The following ADAMTSL1 variants were observed in gnomAD, a reference collection of about 807,000 sequenced individuals.
ADAMTSL1 encodes the protein ADAMTS-like protein 1.
In ADAMTSL1, 126 loss-of-function variants were observed where a neutral mutation model predicts 201.8. That is an observed-to-expected ratio of 0.62 (90% CI 0.54 to 0.72). The LOEUF (loss-of-function observed/expected upper bound fraction) is 0.72, where lower values mean the gene tolerates loss of function less well. Among genes scored for constraint, ADAMTSL1 ranks in the 30% least tolerant of loss-of-function variants. ADAMTSL1 has a pLI of 0.00. For missense variants in ADAMTSL1, 2,679 were observed against 2,277.8 expected, an observed-to-expected ratio of 1.18 and a Z score of -3.59; for synonymous variants, 1,121 against 903.4, an observed-to-expected ratio of 1.24 and a Z score of -4.32.
Position 18,433,451 on chromosome 9 carries a change from G to T in ADAMTSL1, c.208-71378G>T, listed in dbSNP as rs1053614162. On this transcript the variant is annotated intron_variant, in intron 2 of 29. Transcript: ENST00000680146. ...TGGAATGTCTTAGGGTCTTCAATGG[G>T]TAGATTTAATGTAATATTGCCATTA... Among the ~76,000 whole-genome samples the T allele has an allele frequency of 6.6e-4, 101 of 152,046 alleles. 1 individual carries two copies. Among genetic ancestry groups the T allele is most frequent in the African/African-American group, 1.9e-3 (78 of 41,422 alleles).
intron 5 of ADAMTSL1, among the ~76,000 whole-genome samples, chr9:18,635,118 A>G (rs1827028838): frequency 6.6e-6 from 1 of 151,616 alleles, no homozygotes; most frequent in African/African-American, 2.4e-5. Flanking sequence ...GTTTTGGGTG[A>G]GGGAGTAAAT....
At chr9:18,425,160 C>T (rs1563952188) in intron 2 of ADAMTSL1, among the ~76,000 whole-genome samples, 1 of 152,010 alleles carries the variant, frequency 6.6e-6, no homozygotes, top group African/African-American at 2.4e-5. Flanking sequence ...CTCCACTCCA[C>T]TCTCTCTCCC....
chr9:18,201,542 A>G (rs1485436152), intron 2 of ADAMTSL1, among the ~76,000 whole-genome samples: 1 of 152,118 alleles, frequency 6.6e-6, no homozygotes, highest in East Asian at 1.9e-4. Context: ...CTTCCCTACT[A>G]TACAATATTA....
chr9:18,336,111 C>T (rs1449078472), intron 2 of ADAMTSL1, among the ~76,000 whole-genome samples: 2 of 152,014 alleles, frequency 1.3e-5, no homozygotes, highest in Admixed American at 6.6e-5. Context: ...AAGCCTTATC[C>T]CAAAACTTAT....
intron 2 of ADAMTSL1, among the ~76,000 whole-genome samples, chr9:18,334,350 A>G (rs553309152): frequency 8.7e-4 from 132 of 152,264 alleles, no homozygotes; most frequent in Middle Eastern, 3.4e-3. Flanking sequence ...CTCCTTAGCA[A>G]ATGCTTGTGC....
intron 2 of ADAMTSL1, among the ~76,000 whole-genome samples, chr9:18,185,726 A>C (rs1587260319): frequency 6.6e-6 from 1 of 152,208 alleles, no homozygotes; most frequent in Non-Finnish European, 1.5e-5. Context: ...AGCTTTATAC[A>C]TCAGTATAAT....
At chr9:18,486,492 C>A (rs2131833850) in intron 1 of ADAMTSL1, among the ~76,000 whole-genome samples, 1 of 152,246 alleles carries the variant, frequency 6.6e-6, no homozygotes, top group South Asian at 2.1e-4. Flanking sequence ...TCGCTTGAGC[C>A]CAGGAGTTCA....
intron 1 of ADAMTSL1, among the ~76,000 whole-genome samples, chr9:17,960,237 C>T (rs778393489): frequency 4.6e-5 from 7 of 152,168 alleles, no homozygotes; most frequent in South Asian, 4.1e-4. Flanking sequence ...GCATGACCCT[C>T]CCATGGAGGA....
intron 2 of ADAMTSL1, among the ~76,000 whole-genome samples, chr9:18,439,237 A>T (rs1429889662): frequency 2.6e-5 from 4 of 152,100 alleles, no homozygotes; most frequent in Admixed American, 2.6e-4. Context: ...TTTTCCTTTC[A>T]TGTGTTCCAG....
intron 1 of ADAMTSL1, among the ~76,000 whole-genome samples, chr9:18,099,269 A>T (rs1461417332): frequency 7.1e-6 from 1 of 141,718 alleles, no homozygotes; most frequent in Non-Finnish European, 1.5e-5. Context: ...TCTGATTAGA[A>T]TCTCATTTTC....
chr9:18,640,657 AT>A (rs1827381354), intron 7 of ADAMTSL1, among the ~76,000 whole-genome samples: 4 of 151,908 alleles, frequency 2.6e-5, no homozygotes, highest in Admixed American at 1.3e-4. Flanking sequence ...TATCATCTTT[AT>A]TTTTTTAATC....
intron 2 of ADAMTSL1, among the ~76,000 whole-genome samples, chr9:18,521,774 AAC>A (rs1199777301): frequency 1.3e-5 from 2 of 152,226 alleles, no homozygotes; most frequent in African/African-American, 2.4e-5. Context: ...AATTATTTTA[AAC>A]ACAGAATAAA....
rs527612510 is a variant in ADAMTSL1 at position 18,481,387 on chromosome 9, A to G, written c.63+7092A>G. On this transcript the variant is annotated intron_variant, in intron 1 of 28. Coordinates refer to ENST00000380548, the MANE Select transcript of ADAMTSL1 (RefSeq NM_001040272.6). ...TGGTGAAACCCCATCTCTACTAAAA[A>G]TACAAAAATTAGCTGGGCATGGTGG... 9.8e-5 allele frequency among the ~76,000 whole-genome samples: 15 copies of G among 152,302 alleles called. No individual in the cohort carries two copies. In the East Asian group the frequency reaches 2.5e-3, roughly 26 times the overall value.
At chr9:18,230,004 C>T (rs188355959) in intron 2 of ADAMTSL1, among the ~76,000 whole-genome samples, 5 of 152,028 alleles carry the variant, frequency 3.3e-5, no homozygotes, top group South Asian at 4.1e-4. Flanking sequence ...GCCATTTAAC[C>T]AAAATTTATT....
At chr9:18,684,632 T>C in intron 12 of ADAMTSL1, 84 bp from the exon 13 acceptor site, 18 of 1,459,576 alleles carry the variant, frequency 1.2e-5, no homozygotes, top group Non-Finnish European at 1.7e-5. Context: ...TAGTAACTTC[T>C]TGGTGAGGAG....
intron 3 of ADAMTSL1, among the ~76,000 whole-genome samples, chr9:18,571,670 A>T (rs1166236386): frequency 6.6e-6 from 1 of 152,166 alleles, no homozygotes; most frequent in Non-Finnish European, 1.5e-5. Flanking sequence ...TCGTATCTCA[A>T]GTGGGGAAAT....
chr9:18,400,271 T>C (rs1817936388), intron 2 of ADAMTSL1, among the ~76,000 whole-genome samples: 1 of 152,208 alleles, frequency 6.6e-6, no homozygotes, highest in Non-Finnish European at 1.5e-5. Flanking sequence ...CTGATCACCC[T>C]ATCATATTTC....
intron 1 of ADAMTSL1, among the ~76,000 whole-genome samples, chr9:17,998,813 T>A (rs1329934): frequency 0.28 from 42,754 of 151,900 alleles, 6,156 homozygotes; most frequent in South Asian, 0.33. Flanking sequence ...TGTCTGCTGC[T>A]TTCCTGCCTG....
chr9:18,609,240 G>A lies in ADAMTSL1; in HGVS notation c.475-13003G>A, dbSNP rs1008499871. On this transcript the variant is annotated intron_variant, in intron 4 of 28. Transcript: ENST00000380548. ...AGTAGTCCTGGAGTTGGAGAGCTAA[G>A]GAAGGATGTTTTCAGAATTCTAAAC... Among the ~76,000 whole-genome samples, 11 of 152,170 alleles carry A rather than the reference G, an allele frequency of 7.2e-5. No homozygotes were observed. The East Asian group carries it at 2.1e-3, about 29-fold the overall frequency.
Sources: gnomAD v4.1 joint callset for allele counts (sites outside exome capture counted in the v4.1 genomes callset) on GRCh38, gnomAD v4.1.1 for gene constraint, MANE v1.5 for transcripts, NCBI Gene and HGNC (gene_info 2026-07-23, HGNC 2026-07-21) for gene names.